COG6: variants seen among roughly 807,000 people sequenced by gnomAD.
The protein encoded by COG6 is conserved oligomeric Golgi complex subunit 6.
A neutral mutation model predicts 88.8 loss-of-function variants in COG6; 74 were observed. The ratio of observed to expected loss-of-function variants is 0.83; its 90% CI spans 0.69 to 1.01. The LOEUF (loss-of-function observed/expected upper bound fraction) is 1.01, where lower values mean the gene tolerates loss of function less well. Ranked by LOEUF, COG6 falls within the 50% of genes least tolerant of loss-of-function variation. COG6 has a pLI of 0.00. For missense variants in COG6, 800 were observed against 797.9 expected, an observed-to-expected ratio of 1.00 and a Z score of -0.03; for synonymous variants, 286 against 278.7, an observed-to-expected ratio of 1.03 and a Z score of -0.26.
At chr13:39,717,399 C>G (rs1260851522) in intron 13 of COG6, among the ~76,000 whole-genome samples, 1 of 151,644 alleles carries the variant, frequency 6.6e-6, no homozygotes, top group Non-Finnish European at 1.5e-5. Flanking sequence ...TCTTCACTGC[C>G]TTTTTTTCTT....
chr13:39,775,335 G>A (rs1881433393), intron 18 of COG6, among the ~76,000 whole-genome samples: 2 of 152,290 alleles, frequency 1.3e-5, no homozygotes, highest in Non-Finnish European at 2.9e-5. Flanking sequence ...TTCACTGGAT[G>A]TTAGCTCTTC....
Position 39,724,546 on chromosome 13 carries a change from A to G in COG6, c.1731A>G (p.Thr577=), listed in dbSNP as rs1405781406. The G allele has an allele frequency of 6.2e-7, 1 of 1,600,084 alleles. No individual in the cohort carries two copies. The highest frequency in any genetic ancestry group is 8.5e-7 in the Non-Finnish European group (1 of 1,170,660). The change falls in exon 17 of 19, where the codon ACA becomes ACG. Residue 577 remains threonine, a synonymous_variant. Coordinates refer to ENST00000455146, the MANE Select transcript of COG6 (RefSeq NM_020751.3). ...LANMPNLDSV[T]LKAAMVQFDR... is the part of the protein sequence containing the mutation. Reference sequence around the variant, plus strand: ...ATATGCCCAACCTAGATTCTGTGACACTGAAGGCTGCAATGGTAAGTGTAT... The same window carrying G: ...ATATGCCCAACCTAGATTCTGTGACGCTGAAGGCTGCAATGGTAAGTGTAT...
intron 5 of COG6, among the ~76,000 whole-genome samples, chr13:39,678,892 CCCCTTGGTAGAAA>C (rs1446002697): frequency 1.3e-5 from 2 of 150,934 alleles, no homozygotes; most frequent in East Asian, 3.9e-4. Context: ...CATTTTTTCT[CCCCTTGGTAGAAA>C]TTAGAAAATG....
Position 39,751,236 on chromosome 13 carries a change from T to G in COG6, c.*143T>G. 1 of 1,517,466 alleles carries G rather than the reference T, an allele frequency of 6.6e-7. No homozygotes were observed. The highest frequency in any genetic ancestry group is 8.8e-7 in the Non-Finnish European group (1 of 1,138,208). The allele number at this position is 1,517,466 out of a possible 1,614,324, so 94.0% of individuals were successfully genotyped here. On this transcript the variant is annotated 3_prime_UTR_variant, in exon 19 of 19. Transcript: ENST00000455146. ...ATTGTAAGTCCCGATAATTTTTTTT[T>G]TTTTGGTCTCAGTAACAGGGAAGTA...
intron 4 of COG6, among the ~76,000 whole-genome samples, chr13:39,673,142 C>T (rs1457917468): frequency 6.6e-6 from 1 of 152,014 alleles, no homozygotes; most frequent in Non-Finnish European, 1.5e-5. Context: ...GGTTTGTTAA[C>T]AGATACATTA....
intron 13 of COG6, among the ~76,000 whole-genome samples, chr13:39,710,869 G>A (rs751203981): frequency 2.0e-5 from 3 of 150,274 alleles, no homozygotes; most frequent in Non-Finnish European, 4.4e-5. Flanking sequence ...ATTAGCTTTT[G>A]TTTTTGACGA....
chr13:39,681,555 A>G (rs1421786621), intron 7 of COG6, among the ~76,000 whole-genome samples: 4 of 152,182 alleles, frequency 2.6e-5, no homozygotes, highest in Admixed American at 6.5e-5. Flanking sequence ...AGTGCATGCT[A>G]GAAAGTATAC....
At chr13:39,718,182 T>C (rs1878637175) in intron 13 of COG6, among the ~76,000 whole-genome samples, 1 of 152,144 alleles carries the variant, frequency 6.6e-6, no homozygotes, top group Non-Finnish European at 1.5e-5. Context: ...GTTTTATGAT[T>C]TTTTTGTTCT....
intron 18 of COG6, among the ~76,000 whole-genome samples, chr13:39,745,945 C>G (rs1267733336): frequency 6.6e-6 from 1 of 152,020 alleles, no homozygotes; most frequent in Non-Finnish European, 1.5e-5. Flanking sequence ...GACATGGATA[C>G]TGCTGGAAAC....
At chr13:39,759,646 G>A (rs1311192832) in intron 18 of COG6, among the ~76,000 whole-genome samples, 1 of 152,122 alleles carries the variant, frequency 6.6e-6, no homozygotes, top group Non-Finnish European at 1.5e-5. Flanking sequence ...TTGGAAGATA[G>A]ATAATATAAT....
chr13:39,676,314 T>C (rs901893608), intron 4 of COG6, among the ~76,000 whole-genome samples: 3 of 152,114 alleles, frequency 2.0e-5, no homozygotes, highest in African/African-American at 7.2e-5. Flanking sequence ...GAGAATTGTT[T>C]CATGAAATTG....
intron 8 of COG6, among the ~76,000 whole-genome samples, chr13:39,683,830 G>A (rs75650228): frequency 0.061 from 9,348 of 152,030 alleles, 386 homozygotes; most frequent in Non-Finnish European, 0.095. Flanking sequence ...AATTTTCACT[G>A]AGTTATAGTT....
At chr13:39,688,083 A>G (rs1876769611) in intron 10 of COG6, among the ~76,000 whole-genome samples, 1 of 152,202 alleles carries the variant, frequency 6.6e-6, no homozygotes, top group Non-Finnish European at 1.5e-5. Flanking sequence ...AATTTCTGGA[A>G]TATTTAGCAT....
chr13:39,687,508 C>A lies in COG6; in HGVS notation c.794C>A (p.Thr265Asn). The A allele has an allele frequency of 1.9e-6, 3 of 1,612,230 alleles. No homozygotes were observed. Among genetic ancestry groups the A allele is most frequent in the Non-Finnish European group, 1.7e-6 (2 of 1,178,788 alleles). ...ATATAACTTGTTTCTTCTAGATATA[C>A]CTTAGATGAATTTGGAACAGCCAGA... ...LQDRPVLYKYTLDEFGTARRS... is the reference protein window; with the variant it reads ...LQDRPVLYKYNLDEFGTARRS... The change falls in exon 9 of 19, where the codon ACC (threonine) becomes AAC (asparagine). Residue 265 changes from threonine (T) to asparagine (N), a missense_variant. Coordinates refer to ENST00000455146, the MANE Select transcript of COG6 (RefSeq NM_020751.3).
intron 18 of COG6, among the ~76,000 whole-genome samples, chr13:39,738,969 C>CA (rs575296728): frequency 1.1e-4 from 16 of 151,920 alleles, no homozygotes; most frequent in African/African-American, 2.9e-4. Flanking sequence ...GTAATTGATA[C>CA]AAAAAAATAG....
At chr13:39,685,050 T>C (rs1215438984) in intron 8 of COG6, among the ~76,000 whole-genome samples, 1 of 152,210 alleles carries the variant, frequency 6.6e-6, no homozygotes, top group African/African-American at 2.4e-5. Context: ...CTTTATGTAT[T>C]TGTTGTGTTT....
At chr13:39,706,255 T>TTATATATATATATATATATATATATATA (rs71298976) in intron 13 of COG6, among the ~76,000 whole-genome samples, 1 of 114,672 alleles carries the variant, frequency 8.7e-6, no homozygotes, top group African/African-American at 3.3e-5. Flanking sequence ...ATATACTCCT[T>TTATATATATATATATATATATATATATA]TATATATATA....
chr13:39,723,679 T>A (rs377663139), intron 16 of COG6, among the ~76,000 whole-genome samples: 1 of 152,062 alleles, frequency 6.6e-6, no homozygotes, highest in African/African-American at 2.4e-5. Context: ...TCCTAAAATA[T>A]GGTAGAGTGC....
Position 39,751,570 on chromosome 13 carries a change from TCTGTCCCCA to T in COG6, c.*478_*486del. 1 of 1,287,242 alleles carries T rather than the reference TCTGTCCCCA, an allele frequency of 7.8e-7. No homozygotes were observed. The highest frequency in any genetic ancestry group is 1.0e-6 in the Non-Finnish European group (1 of 988,722). The allele number at this position is 1,287,242 out of a possible 1,614,324, so 79.7% of individuals were successfully genotyped here. On this transcript the variant is annotated 3_prime_UTR_variant, in exon 19 of 19. Transcript: ENST00000455146. ...AGCTTTTCTGAACCTAGCCTATGTC[TCTGTCCCCA>T]AAATAGCTGCCCTTAAAGAGTTGTT... is the stretch of plus-strand genomic sequence containing the variant.
Sources: allele counts gnomAD v4.1 joint callset (sites outside exome capture counted in the v4.1 genomes callset), GRCh38; gene constraint gnomAD v4.1.1; transcripts MANE v1.5; gene names NCBI Gene and HGNC (gene_info 2026-07-23, HGNC 2026-07-21).